IQCK: variants seen among roughly 807,000 people sequenced by gnomAD.
IQCK encodes the protein IQ motif containing K.
A neutral mutation model predicts 28.1 loss-of-function variants in IQCK; 29 were observed. That is an observed-to-expected ratio of 1.03 (90% confidence interval 0.77 to 1.41). The LOEUF is 1.41. Among genes scored for constraint, IQCK ranks in the 40% most tolerant of loss-of-function variants. The probability of loss-of-function intolerance (pLI) is 0.00; values close to 1 mark genes in which losing one functional copy is unlikely to be tolerated. For synonymous variants in IQCK, 113 were observed against 115.1 expected (o/e 0.98, Z 0.12); for missense variants, 359 against 314.7 (o/e 1.14, Z -1.07).
At position 19,848,258 on chromosome 16, in the gene IQCK, C is replaced by A. The variant is rs560883057; in HGVS notation, c.803-8229C>A. Among the ~76,000 whole-genome samples, 42 of 152,276 alleles carry A rather than the reference C, an allele frequency of 2.8e-4. 1 individual carries two copies. The South Asian group carries it at 8.7e-3, about 32-fold the overall frequency. ...CCTTAATGACTAATGACGTTGCACA[C>A]CTTTTTATGTGCTTATCAGCCATTG... On this transcript the variant is annotated intron_variant, in intron 9 of 9. Coordinates refer to the IQCK transcript ENST00000320394.
At chr16:19,738,614 G>T (rs1245757056) in intron 4 of IQCK, among the ~76,000 whole-genome samples, 2 of 152,124 alleles carry the variant, frequency 1.3e-5, no homozygotes, top group Non-Finnish European at 2.9e-5. Context: ...GCTGATCATA[G>T]CACCTGCTCA....
chr16:19,817,078 A>G (rs1296221901), intron 7 of IQCK, among the ~76,000 whole-genome samples: 1 of 152,154 alleles, frequency 6.6e-6, no homozygotes, highest in African/African-American at 2.4e-5. Flanking sequence ...AGGGTAATCT[A>G]TAATTAGGAG....
chr16:19,738,932 G>A (rs149663436), intron 4 of IQCK, among the ~76,000 whole-genome samples: 1 of 152,230 alleles, frequency 6.6e-6, no homozygotes, highest in East Asian at 1.9e-4. Context: ...GGTTGTGTTG[G>A]CACTTATCAA....
chr16:19,828,861 TATATATATATAA>T (rs1290973953), downstream of IQCK, among the ~76,000 whole-genome samples: 5 of 134,610 alleles, frequency 3.7e-5, no homozygotes, highest in African/African-American at 1.6e-4. Context: ...AAAAAAAATA[TATATATATATAA>T]ATATATATAT....
chr16:19,727,664 G>T (rs911751678), intron 1 of IQCK, among the ~76,000 whole-genome samples: 8 of 151,808 alleles, frequency 5.3e-5, no homozygotes, highest in African/African-American at 9.7e-5. Flanking sequence ...ATAGGATTAG[G>T]TGTGACTTTT....
chr16:19,774,949 G>A (rs958590527), intron 6 of IQCK, among the ~76,000 whole-genome samples: 9 of 152,240 alleles, frequency 5.9e-5, no homozygotes, highest in South Asian at 2.1e-4. Context: ...AAGGCCGGGC[G>A]TGGTGTCTTA....
intron 4 of IQCK, among the ~76,000 whole-genome samples, chr16:19,742,128 A>C (rs1262694198): frequency 6.6e-6 from 1 of 152,176 alleles, no homozygotes; most frequent in African/African-American, 2.4e-5. Flanking sequence ...AGTTTCCTCA[A>C]CTATTGAAAG....
intron 7 of IQCK, among the ~76,000 whole-genome samples, chr16:19,817,618 T>G (rs1567568822): frequency 6.6e-6 from 1 of 152,076 alleles, no homozygotes; most frequent in Admixed American, 6.6e-5. Flanking sequence ...TGTTTCTGTT[T>G]TTGTTGTTGT....
At chr16:19,731,438 T>C (rs1309761611) in intron 2 of IQCK, among the ~76,000 whole-genome samples, 5 of 152,316 alleles carry the variant, frequency 3.3e-5, no homozygotes, top group African/African-American at 1.2e-4. Context: ...CTAAAAACTT[T>C]CTTGTTCTGT....
At chr16:19,742,940 G>A (rs1024852369) in intron 4 of IQCK, among the ~76,000 whole-genome samples, 9 of 152,148 alleles carry the variant, frequency 5.9e-5, no homozygotes, top group Non-Finnish European at 7.4e-5. Context: ...AGGCCGAGGC[G>A]GGTAGATCAC....
At chr16:19,786,672 T>G in intron 6 of IQCK, among the ~76,000 whole-genome samples, 1 of 141,514 alleles carries the variant, frequency 7.1e-6, no homozygotes, top group Admixed American at 6.9e-5. Context: ...TACTCTAGCC[T>G]GGGGGACAGA....
rs1425520061 is a variant in IQCK, at chr16:19,772,758, A to G, written c.605+8646A>G. On this transcript the variant is annotated intron_variant, in intron 6 of 7. Transcript: ENST00000564186. ...GATGCAGTGGCTCATGCCTGCCAGC[A>G]CTTTGGGAGGCTGAGGCAGAAGGAT... 1.3e-5 allele frequency among the ~76,000 whole-genome samples: 2 copies of G among 152,174 alleles called. 1 individual carries two copies. The highest frequency in any genetic ancestry group is 1.3e-4 in the Admixed American group (2 of 15,264).
At chr16:19,779,065 C>G (rs140559293) in intron 6 of IQCK, among the ~76,000 whole-genome samples, 2 of 152,070 alleles carry the variant, frequency 1.3e-5, no homozygotes, top group Admixed American at 6.5e-5. Flanking sequence ...TCACTGCAGC[C>G]TCGAACTCCT....
At chr16:19,792,965 T>C (rs1365421113) in intron 7 of IQCK, among the ~76,000 whole-genome samples, 2 of 114,556 alleles carry the variant, frequency 1.7e-5, no homozygotes, top group Admixed American at 1.5e-4. Context: ...TCTCAATGGA[T>C]ATAGAAAATG....
chr16:19,758,141 C>T (rs1347841199), intron 4 of IQCK, among the ~76,000 whole-genome samples: 1 of 152,158 alleles, frequency 6.6e-6, no homozygotes, highest in Non-Finnish European at 1.5e-5. Context: ...CCCTGGGTGC[C>T]CTCGCTGTCT....
At chr16:19,724,421 A>G (rs1424713592) in intron 1 of IQCK, among the ~76,000 whole-genome samples, 1 of 152,126 alleles carries the variant, frequency 6.6e-6, no homozygotes, top group Non-Finnish European at 1.5e-5. Context: ...CCACTATAGT[A>G]TATGCCTGTC....
At chr16:19,767,501 G>A (rs1033144000) in intron 6 of IQCK, among the ~76,000 whole-genome samples, 35 of 151,994 alleles carry the variant, frequency 2.3e-4, no homozygotes, top group African/African-American at 7.5e-4. Flanking sequence ...ACTCAGCCTC[G>A]TCCTGCCAGG....
intron 1 of IQCK, among the ~76,000 whole-genome samples, chr16:19,725,225 A>G (rs1359795473): frequency 6.6e-6 from 1 of 152,012 alleles, no homozygotes; most frequent in Admixed American, 6.6e-5. Flanking sequence ...TATTTTTTTG[A>G]GACAGGCTGT....
intron 6 of IQCK, chr16:19,764,386 T>A: frequency 3.7e-6 from 1 of 270,180 alleles, no homozygotes; most frequent in Non-Finnish European, 7.0e-6. Context: ...CCCTTCATTT[T>A]TTTCCTGTCT....
Sources: gnomAD v4.1 joint callset for allele counts (sites outside exome capture counted in the v4.1 genomes callset) on GRCh38, gnomAD v4.1.1 for gene constraint, MANE v1.5 for transcripts, NCBI Gene and HGNC (gene_info 2026-07-23, HGNC 2026-07-21) for gene names.